Variants in KRAS observed in about 807,000 individuals in gnomAD.
The protein encoded by KRAS is GTPase KRas.
A neutral mutation model predicts 21.0 loss-of-function variants in KRAS; 1 was observed. That is an observed-to-expected ratio of 0.05 (90% CI 0.02 to 0.23). KRAS has a LOEUF of 0.23. Ranked by LOEUF, KRAS falls within the 10% of genes least tolerant of loss-of-function variation. The pLI, the probability that KRAS is intolerant of heterozygous loss-of-function variation, is 1.00. For missense variants in KRAS, 107 were observed against 221.8 expected (o/e 0.48, Z 3.29); for synonymous variants, 67 against 72.5 (o/e 0.92, Z 0.39).
chr12:25,221,024 C>CAAAAAAA (rs67015511), intron 4 of KRAS, among the ~76,000 whole-genome samples: 3 of 84,812 alleles, frequency 3.5e-5, no homozygotes, highest in Non-Finnish European at 4.3e-5. Flanking sequence ...GACTCTGCCT[C>CAAAAAAA]AAAAAAAAAA....
intron 2 of KRAS, among the ~76,000 whole-genome samples, chr12:25,239,381 T>A (rs964224309): frequency 6.6e-6 from 1 of 152,168 alleles, no homozygotes; most frequent in Non-Finnish European, 1.5e-5. Context: ...ATGTTTGCCT[T>A]AATGGTTTAA....
chr12:25,250,511 C>T (rs1266992612), intron 1 of KRAS, among the ~76,000 whole-genome samples: 7 of 152,098 alleles, frequency 4.6e-5, no homozygotes, highest in Non-Finnish European at 8.8e-5. Context: ...CAGCGGCGAC[C>T]GCCTCCAGCC....
chr12:25,233,513 G>A (rs985796035), intron 2 of KRAS, among the ~76,000 whole-genome samples: 2 of 152,146 alleles, frequency 1.3e-5, no homozygotes, highest in Admixed American at 6.5e-5. Flanking sequence ...ATGAATGAAC[G>A]AAGGTAGGTT....
intron 1 of KRAS, among the ~76,000 whole-genome samples, chr12:25,250,349 G>A (rs935057493): frequency 1.3e-5 from 2 of 152,182 alleles, no homozygotes; most frequent in Non-Finnish European, 2.9e-5. Flanking sequence ...CGGGGAGAGG[G>A]GGAGGGGAGG....
rs1188456144 is a variant in KRAS, at chr12:25,250,914, C to T, written c.-175G>A. On this transcript the variant is annotated 5_prime_UTR_variant, in exon 1 of 5. Coordinates refer to ENST00000311936, the MANE Select transcript of KRAS (RefSeq NM_004985.5). ...CCGCCGCCGCTGCTGCCTCCGCCGC[C>T]GCGGCCGCCGCCTAGGAAAATCGAG... 3 of 250,524 alleles carry T rather than the reference C, an allele frequency of 1.2e-5. No individual in the cohort carries two copies. Among genetic ancestry groups the T allele is most frequent in the Non-Finnish European group, 2.3e-5 (3 of 132,956 alleles). The allele number at this position is 250,524 out of a possible 1,614,324, so 15.5% of individuals were successfully genotyped here. A position where few individuals can be genotyped will look rare whatever the true frequency, so the allele number is the denominator to read the frequency against.
At chr12:25,220,116 A>C (rs1723157137) in intron 4 of KRAS, among the ~76,000 whole-genome samples, 1 of 152,240 alleles carries the variant, frequency 6.6e-6, no homozygotes, top group Non-Finnish European at 1.5e-5. Flanking sequence ...TTTTGATTTT[A>C]GCAGACTGGA....
At chr12:25,230,784 A>G (rs1382866160) in intron 2 of KRAS, among the ~76,000 whole-genome samples, 1 of 119,416 alleles carries the variant, frequency 8.4e-6, no homozygotes, top group South Asian at 3.6e-4. Context: ...TTTCCAAACC[A>G]TCTGTAATAA....
chr12:25,227,469 G>A (rs2141510848), intron 2 of KRAS, 57 bp from the exon 3 acceptor site: 1 of 1,521,696 alleles, frequency 6.6e-7, no homozygotes, highest in African/African-American at 1.4e-5. Flanking sequence ...CTTCAAAAAA[G>A]GTGTTATATA....
chr12:25,217,912 C>T (rs1002628515), intron 4 of KRAS, among the ~76,000 whole-genome samples: 1 of 151,804 alleles, frequency 6.6e-6, no homozygotes, highest in Admixed American at 6.6e-5. Flanking sequence ...TTTTTTTAAT[C>T]GTTTTAAAGT....
chr12:25,209,504 A>C lies in KRAS; in HGVS notation c.*291T>G. ...ACATTCACAATTGGTAAGAAAAATA[A>C]GAAGTAATCAACTGCATGCACCAAA... is the stretch of plus-strand genomic sequence containing the variant. On this transcript the variant is annotated 3_prime_UTR_variant, in exon 5 of 5. Coordinates refer to ENST00000311936, the MANE Select transcript of KRAS (RefSeq NM_004985.5). 1 of 1,300,930 alleles carries C rather than the reference A, an allele frequency of 7.7e-7. No homozygotes were observed. Among genetic ancestry groups the C allele is most frequent in the East Asian group, 3.0e-5 (1 of 33,822 alleles). 80.6% of individuals were successfully genotyped at this position (1,300,930 alleles called of 1,614,324 possible).
chr12:25,212,850 A>G (rs1565879807), intron 4 of KRAS, among the ~76,000 whole-genome samples: 2 of 152,070 alleles, frequency 1.3e-5, no homozygotes, highest in Non-Finnish European at 2.9e-5. Context: ...GGACTCCTAA[A>G]GTTCTGGCAT....
chr12:25,244,045 T>C (rs1951645055), intron 2 of KRAS, among the ~76,000 whole-genome samples: 1 of 152,322 alleles, frequency 6.6e-6, no homozygotes, highest in South Asian at 2.1e-4. Context: ...TTCCTTATGA[T>C]TAGTTATCTA....
rs1039262620 is a variant in KRAS, at chr12:25,209,366, A to T, written c.*429T>A. 9 of 638,840 alleles carry T rather than the reference A, an allele frequency of 1.4e-5. No individual in the cohort carries two copies. Among genetic ancestry groups the T allele is most frequent in the African/African-American group, 9.4e-5 (5 of 53,282 alleles). 39.6% of individuals were successfully genotyped at this position (638,840 alleles called of 1,614,324 possible). On this transcript the variant is annotated 3_prime_UTR_variant, in exon 5 of 5. Transcript: ENST00000311936. ...TAAATTTGTGTTCCCTCAATGTTTC[A>T]GTAAAAACCAATTAGAAGGTCTCAA... is the stretch of plus-strand genomic sequence containing the variant.
At chr12:25,227,748 G>A (rs1951411283) in intron 2 of KRAS, among the ~76,000 whole-genome samples, 1 of 152,140 alleles carries the variant, frequency 6.6e-6, no homozygotes. Context: ...GTGCATTGCT[G>A]GTGGGAATGT....
intron 1 of KRAS, among the ~76,000 whole-genome samples, chr12:25,249,878 C>T (rs1445696257): frequency 6.6e-6 from 1 of 152,168 alleles, no homozygotes; most frequent in Non-Finnish European, 1.5e-5. Flanking sequence ...AAGGAAAAAG[C>T]CTTGCTTCTG....
chr12:25,230,753 A>T (rs1255935946), intron 2 of KRAS, among the ~76,000 whole-genome samples: 3 of 152,186 alleles, frequency 2.0e-5, no homozygotes, highest in African/African-American at 7.2e-5. Context: ...TTTTGTGCTT[A>T]TCTTTTAAAG....
In KRAS at chr12:25,207,183, C is replaced by G. The variant is rs1251196291; in HGVS notation, c.*2612G>C. 3 of 210,310 alleles carry G rather than the reference C, an allele frequency of 1.4e-5. No individual in the cohort carries two copies. Among genetic ancestry groups the G allele is most frequent in the Non-Finnish European group, 2.9e-5 (3 of 103,606 alleles). 13.0% of individuals were successfully genotyped at this position (210,310 alleles called of 1,614,324 possible). On this transcript the variant is annotated 3_prime_UTR_variant, in exon 5 of 5. Transcript: ENST00000311936. ...GGATTATGTCTCTTGTTTGGGGATA[C>G]CATATACCCAGTGCCTTGTGTGGTG...
intron 1 of KRAS, among the ~76,000 whole-genome samples, chr12:25,248,468 T>A (rs933636205): frequency 2.0e-5 from 3 of 150,618 alleles, no homozygotes; most frequent in African/African-American, 7.3e-5. Context: ...ACAAAGAGGG[T>A]AGAGGGGTCG....
At chr12:25,237,252 G>C (rs1565888795) in intron 2 of KRAS, among the ~76,000 whole-genome samples, 1 of 152,194 alleles carries the variant, frequency 6.6e-6, no homozygotes, top group Non-Finnish European at 1.5e-5. Context: ...AGGGATTGGG[G>C]AGTGGCTGCT....
Sources: allele counts gnomAD v4.1 joint callset (sites outside exome capture counted in the v4.1 genomes callset), GRCh38; gene constraint gnomAD v4.1.1; transcripts MANE v1.5; gene names NCBI Gene and HGNC (gene_info 2026-07-23, HGNC 2026-07-21).